BLTP1: variants seen among roughly 807,000 people sequenced by gnomAD.
BLTP1 encodes the protein bridge-like lipid transfer protein family member 1.
the BLTP1 span, chr4:122,257,514 A>G: frequency 1.9e-6 from 3 of 1,612,260 alleles, no homozygotes; most frequent in East Asian, 2.2e-5. Flanking sequence ...GTAAGCCTCT[A>G]TTGAGTACTT....
At chr4:122,185,304 A>T in the BLTP1 span, 1 of 981,834 alleles carries the variant, frequency 1.0e-6, no homozygotes, top group Non-Finnish European at 1.2e-6. Context: ...ATAAAAATGG[A>T]TAGAGGTTAT....
the BLTP1 span, chr4:122,208,238 T>C: frequency 1.1e-5 from 7 of 631,522 alleles, no homozygotes; most frequent in South Asian, 1.4e-4. Flanking sequence ...AACAACCCTA[T>C]TGAGATTATT....
At chr4:122,274,539 A>AAG in the BLTP1 span, 2 of 1,466,872 alleles carry the variant, frequency 1.4e-6, no homozygotes, top group African/African-American at 3.0e-5. Flanking sequence ...ATACAATATC[A>AAG]GTTCCCAGAT....
the BLTP1 span, chr4:122,273,354 A>T: frequency 1.0e-6 from 1 of 984,640 alleles, no homozygotes. Flanking sequence ...GGTGAACCAC[A>T]CACACGGTTC....
chr4:122,331,430 C>T, the BLTP1 span: 1 of 1,611,972 alleles, frequency 6.2e-7, no homozygotes, highest in Non-Finnish European at 8.5e-7. Context: ...GGCACAGCTA[C>T]AGAGAGAAAT....
At chr4:122,360,143 A>G in the BLTP1 span, 1 of 659,108 alleles carries the variant, frequency 1.5e-6, no homozygotes, top group East Asian at 1.4e-4. Flanking sequence ...TGCTGTATAT[A>G]TGTCATAACA....
chr4:122,245,077 T>C, the BLTP1 span: 10 of 1,612,190 alleles, frequency 6.2e-6, no homozygotes, highest in Non-Finnish European at 5.9e-6. Flanking sequence ...CAATTGTAGA[T>C]GATCTTCATG....
At chr4:122,171,892 GACT>G in the BLTP1 span, 1 of 985,096 alleles carries the variant, frequency 1.0e-6, no homozygotes, top group African/African-American at 1.7e-5. Context: ...ATAATGAAAA[GACT>G]ACGATTCCTG....
At chr4:122,305,183 G>A in the BLTP1 span, 3 of 983,150 alleles carry the variant, frequency 3.1e-6, no homozygotes, top group Non-Finnish European at 3.6e-6. Flanking sequence ...ATAGTTTAGT[G>A]CAGATGCACT....
At chr4:122,346,527 A>G in the BLTP1 span, 2 of 1,467,558 alleles carry the variant, frequency 1.4e-6, no homozygotes, top group African/African-American at 1.4e-5. Flanking sequence ...TAACTTAAGT[A>G]TAATTCAGCT....
the BLTP1 span, among the ~76,000 whole-genome samples, chr4:122,360,866 T>C: frequency 0.029 from 4,367 of 152,310 alleles, 208 homozygotes; most frequent in African/African-American, 0.099. Context: ...CAAGTGAGCA[T>C]AAAAATAGTT....
At chr4:122,352,916 C>T in the BLTP1 span, 2 of 1,613,752 alleles carry the variant, frequency 1.2e-6, no homozygotes, top group Non-Finnish European at 1.7e-6. Flanking sequence ...CTTGATGCAG[C>T]ACATCATCGA....
At chr4:122,159,834 A>G in the BLTP1 span, among the ~76,000 whole-genome samples, 1 of 152,244 alleles carries the variant, frequency 6.6e-6, no homozygotes, top group African/African-American at 2.4e-5. Context: ...TCTATTTCTA[A>G]GATACCAGAC....
At chr4:122,219,472 G>C in the BLTP1 span, 1 of 1,614,130 alleles carries the variant, frequency 6.2e-7, no homozygotes, top group African/African-American at 1.3e-5. Context: ...AAAGGAAAAT[G>C]AAGGTTCAGC....
chr4:122,152,453 G>T, the BLTP1 span: 3 of 985,724 alleles, frequency 3.0e-6, no homozygotes, highest in Non-Finnish European at 3.6e-6. Context: ...AAGGGTGTGG[G>T]CACCGGCAGA....
chr4:122,220,053 T>A, the BLTP1 span, among the ~76,000 whole-genome samples: 2 of 152,088 alleles, frequency 1.3e-5, no homozygotes, highest in African/African-American at 2.4e-5. Context: ...TGACATGGAA[T>A]GATATTAAAT....
the BLTP1 span, chr4:122,263,677 G>A: frequency 1.1e-6 from 1 of 871,094 alleles, no homozygotes; most frequent in South Asian, 1.9e-5. Context: ...CAGGGGATGG[G>A]TTAAAAATCA....
the BLTP1 span, chr4:122,189,150 G>A: frequency 1.2e-6 from 1 of 857,580 alleles, no homozygotes; most frequent in South Asian, 5.4e-5. Flanking sequence ...TGTATAAAAA[G>A]ATTTAAAATT....
At chr4:122,216,081 GTCTGTCTATCTATCTA>G in the BLTP1 span, among the ~76,000 whole-genome samples, 1 of 136,378 alleles carries the variant, frequency 7.3e-6, no homozygotes, top group African/African-American at 2.9e-5. Context: ...ATCTATCTTT[GTCTGTCTATCTATCTA>G]TCTATCTATC....
Sources: allele counts gnomAD v4.1 joint callset (sites outside exome capture counted in the v4.1 genomes callset), GRCh38; gene constraint gnomAD v4.1.1; transcripts MANE v1.5; gene names NCBI Gene and HGNC (gene_info 2026-07-23, HGNC 2026-07-21).